RMND5B: variants seen among roughly 807,000 people sequenced by gnomAD.
The protein encoded by RMND5B is E3 ubiquitin-protein transferase RMND5B.
RMND5B carries 42 observed loss-of-function variants against 50.4 expected under a neutral mutation model. The ratio of observed to expected loss-of-function variants is 0.83; its 90% CI spans 0.65 to 1.08. The LOEUF is 1.08. RMND5B is among the 50% of genes least tolerant of loss of function. The pLI is 0.00. For synonymous variants in RMND5B, 220 were observed against 210.0 expected (o/e 1.05, Z -0.41); for missense variants, 463 against 508.5 (o/e 0.91, Z 0.86).
rs1263434859 is a variant in RMND5B at position 178,150,289 on chromosome 5, C to T, written c.*2257C>T. The T allele has an allele frequency of 9.0e-6, 2 of 221,794 alleles. No homozygotes were observed. The highest frequency in any genetic ancestry group is 1.2e-4 in the South Asian group (2 of 16,300). 13.7% of individuals were successfully genotyped at this position (221,794 alleles called of 1,614,324 possible). On this transcript the variant is annotated 3_prime_UTR_variant, in exon 11 of 11. Transcript: ENST00000313386. ...CAGATAACTGACTATTTGGTTCTTA[C>T]CATCAGGCCAAACGGTAAGTTCCTT...
chr5:178,148,222 C>T lies in RMND5B; in HGVS notation c.*190C>T. The T allele has an allele frequency of 1.6e-6, 1 of 615,858 alleles. No individual in the cohort carries two copies. The highest frequency in any genetic ancestry group is 1.9e-5 in the South Asian group (1 of 52,344). 38.1% of individuals were successfully genotyped at this position (615,858 alleles called of 1,614,324 possible). A position where few individuals can be genotyped will look rare whatever the true frequency, so the allele number is the denominator to read the frequency against. ...GGGAGATGGACCAGCCCACGCCTGG[C>T]ACCTGGCTCCATGGCATAAGGAAAG... On this transcript the variant is annotated 3_prime_UTR_variant, in exon 11 of 11. Coordinates refer to ENST00000313386, the MANE Select transcript of RMND5B (RefSeq NM_022762.5).
intron 8 of RMND5B, chr5:178,146,621 C>G: frequency 4.1e-6 from 1 of 246,004 alleles, no homozygotes; most frequent in Non-Finnish European, 8.0e-6. Flanking sequence ...TCCTCATGAC[C>G]TAATGTCTTA....
chr5:178,142,434 G>C, intron 3 of RMND5B, 149 bp from the exon 4 acceptor site: 1 of 888,602 alleles, frequency 1.1e-6, no homozygotes, highest in Non-Finnish European at 1.8e-6. Flanking sequence ...AAAGTGGCAG[G>C]ACCTGGAAGA....
Position 178,150,406 on chromosome 5 carries a change from C to G in RMND5B, c.*2374C>G. The G allele has an allele frequency of 3.8e-6, 1 of 266,598 alleles. No homozygotes were observed. Among genetic ancestry groups the G allele is most frequent in the Non-Finnish European group, 7.5e-6 (1 of 134,014 alleles). The allele number at this position is 266,598 out of a possible 1,614,324, so 16.5% of individuals were successfully genotyped here. A position where few individuals can be genotyped will look rare whatever the true frequency, so the allele number is the denominator to read the frequency against. On this transcript the variant is annotated 3_prime_UTR_variant, in exon 11 of 11. Coordinates refer to ENST00000313386, the MANE Select transcript of RMND5B (RefSeq NM_022762.5). ...TCTATTTTTTTTTTTTGAGACAGGG[C>G]CTCACTCTGTCATGCAGTCTGGAGT... is the stretch of plus-strand genomic sequence containing the variant.
In RMND5B at chr5:178,138,360, T is replaced by A; in HGVS notation, c.139+102T>A. The A allele has an allele frequency of 6.8e-7, 1 of 1,478,066 alleles. No homozygotes were observed. Among genetic ancestry groups the A allele is most frequent in the Non-Finnish European group, 9.0e-7 (1 of 1,111,102 alleles). 91.6% of individuals were successfully genotyped at this position (1,478,066 alleles called of 1,614,324 possible). A position where few individuals can be genotyped will look rare whatever the true frequency, so the allele number is the denominator to read the frequency against. On this transcript the variant is annotated intron_variant, in intron 3 of 10. Coordinates refer to ENST00000313386, the MANE Select transcript of RMND5B (RefSeq NM_022762.5). This position sits in a 1 kb window ranked among gnomAD's most constrained non-coding sequence, Gnocchi z 5.1. ...GGTTCCGGAAGGACGATGATGAGGA[T>A]GTTGGTACCTGCATCTGTAGGCCTC...
rs150309056 is a variant in RMND5B at position 178,144,066 on chromosome 5, T to C, written c.652T>C (p.Tyr218His). 1 of 1,614,212 alleles carries C rather than the reference T, an allele frequency of 6.2e-7. No individual in the cohort carries two copies. The highest frequency in any genetic ancestry group is 1.3e-5 in the African/African-American group (1 of 75,074). Residue 218 changes from tyrosine (Y) to histidine (H), a missense_variant, in exon 7 of 11, where the codon TAT (tyrosine) becomes CAT (histidine). Transcript: ENST00000313386. ...GPAKQLEALS[Y>H]ARHFQPFARL... Reference sequence around the variant, plus strand: ...CGCGAAGCAGCTGGAGGCCCTCAGCTATGCTCGGCACTTCCAGCCCTTTGC... The same window carrying C: ...CGCGAAGCAGCTGGAGGCCCTCAGCCATGCTCGGCACTTCCAGCCCTTTGC...
chr5:178,138,126 C>T lies in RMND5B; in HGVS notation c.7C>T (p.Gln3Ter). 1 of 1,597,198 alleles carries T rather than the reference C, an allele frequency of 6.3e-7. No individual in the cohort carries two copies. The highest frequency in any genetic ancestry group is 8.5e-7 in the Non-Finnish European group (1 of 1,172,220). Residue 3 changes from glutamine to a stop codon, truncating the protein, a stop_gained, in exon 3 of 11, where the codon CAG becomes TAG. Coordinates refer to ENST00000313386, the MANE Select transcript of RMND5B (RefSeq NM_022762.5). LOFTEE classifies it high-confidence loss of function. The surrounding 1 kb of genome is among the most constrained non-coding windows in gnomAD (Gnocchi z 5.1). The part of the protein sequence containing the change: ME[Q>*]CACVERELDK... ...TCCCCAGGCTGAGGCCACCATGGAG[C>T]AGTGTGCGTGCGTGGAGAGAGAGCT...
Position 178,147,513 on chromosome 5 carries a change from C to A in RMND5B, c.861-20C>A. The A allele has an allele frequency of 1.2e-6, 2 of 1,608,120 alleles. No individual in the cohort carries two copies. Among genetic ancestry groups the A allele is most frequent in the Non-Finnish European group, 1.7e-6 (2 of 1,175,714 alleles). On this transcript the variant is annotated intron_variant, in intron 8 of 10. Coordinates refer to ENST00000313386, the MANE Select transcript of RMND5B (RefSeq NM_022762.5). ...TCTGCTGTGATCTGAGCCACTCTAG[C>A]CCCTGTTCCTTGTCTGCAGCTTTGC... is the stretch of plus-strand genomic sequence containing the variant.
chr5:178,147,578 G>A lies in RMND5B; in HGVS notation c.906G>A (p.Lys302=). 3 of 1,614,194 alleles carry A rather than the reference G, an allele frequency of 1.9e-6. No individual in the cohort carries two copies. The highest frequency in any genetic ancestry group is 2.5e-6 in the Non-Finnish European group (3 of 1,180,028). ...CVALPVLMNI[K]AVIEQRQCTG... Reference sequence around the variant, plus strand: ...CGCTGCCTGTGTTGATGAACATCAAGGCTGTGATTGAGCAGCGGCAGTGCA... The same window carrying A: ...CGCTGCCTGTGTTGATGAACATCAAAGCTGTGATTGAGCAGCGGCAGTGCA... The change falls in exon 9 of 11, where the codon AAG becomes AAA. Residue 302 remains lysine (K), a synonymous_variant. Transcript: ENST00000313386.
Position 178,142,642 on chromosome 5 carries a change from A to C in RMND5B, c.199A>C (p.Lys67Gln). Residue 67 changes from lysine (K) to glutamine (Q), a missense_variant, in exon 4 of 11, where the codon AAG (lysine) becomes CAG (glutamine). Physicochemically the swap from Lys to Gln is moderately conservative, Grantham distance 53. Transcript: ENST00000313386. ...LSLVMSQCCR[K>Q]IKDTVQKLAS... is the part of the protein sequence containing the mutation. ...TCTGGTGATGTCACAGTGCTGCCGG[A>C]AGATCAAAGATACGGTGCAGAAACT... is the stretch of plus-strand genomic sequence containing the variant. 1.2e-6 allele frequency: 2 copies of C among 1,614,208 alleles called. No homozygotes were observed. Among genetic ancestry groups the C allele is most frequent in the South Asian group, 1.1e-5 (1 of 91,086 alleles).
At chr5:178,134,639 G>A (rs1041057781) in intron 2 of RMND5B, among the ~76,000 whole-genome samples, 24 of 152,164 alleles carry the variant, frequency 1.6e-4, no homozygotes, top group African/African-American at 5.5e-4. Flanking sequence ...GAATACCCAC[G>A]AACAGTTCTG....
rs1010844430 is a variant in RMND5B at position 178,150,323 on chromosome 5, G to A, written c.*2291G>A. 89 of 230,860 alleles carry A rather than the reference G, an allele frequency of 3.9e-4. No individual in the cohort carries two copies. The highest frequency in any genetic ancestry group is 2.0e-3 in the African/African-American group (88 of 43,542). 14.3% of individuals were successfully genotyped at this position (230,860 alleles called of 1,614,324 possible). A position where few individuals can be genotyped will look rare whatever the true frequency, so the allele number is the denominator to read the frequency against. ...CAAACGGTAAGTTCCTTCAGAACAG[G>A]GCCTCCTGCTTTATCCCAAGAAGTG... On this transcript the variant is annotated 3_prime_UTR_variant, in exon 11 of 11. Transcript: ENST00000313386.
chr5:178,148,014 G>C lies in RMND5B; in HGVS notation c.1164G>C (p.Gly388=). 6.2e-7 allele frequency: 1 copy of C among 1,614,090 alleles called. No individual in the cohort carries two copies. The highest frequency in any genetic ancestry group is 8.5e-7 in the Non-Finnish European group (1 of 1,180,020). The change falls in exon 11 of 11, where the codon GGG becomes GGC. Residue 388 remains glycine, a synonymous_variant. Coordinates refer to ENST00000313386, the MANE Select transcript of RMND5B (RefSeq NM_022762.5). ...CCATGGAGCAGAACCCGGCAGATGG[G>C]AAACGCATCATATTCTGATTCCTAC... ...YCPMEQNPAD[G]KRIIF
chr5:178,150,220 C>G lies in RMND5B; in HGVS notation c.*2188C>G, dbSNP rs1756232261. On this transcript the variant is annotated 3_prime_UTR_variant, in exon 11 of 11. Coordinates refer to ENST00000313386, the MANE Select transcript of RMND5B (RefSeq NM_022762.5). ...AACATGGGTGAAGCATCTTAGCTTA[C>G]AAAGCTCTTTCACATACATCTATCT... 4.5e-6 allele frequency: 1 copy of G among 220,524 alleles called. No homozygotes were observed. Among genetic ancestry groups the G allele is most frequent in the Non-Finnish European group, 9.2e-6 (1 of 108,482 alleles). The allele number at this position is 220,524 out of a possible 1,614,324, so 13.7% of individuals were successfully genotyped here.
rs145470822 is a variant in RMND5B at position 178,138,224 on chromosome 5, C to T, written c.105C>T (p.Tyr35=). 93 of 1,613,732 alleles carry T rather than the reference C, an allele frequency of 5.8e-5. No homozygotes were observed. Among genetic ancestry groups the T allele is most frequent in the African/African-American group, 9.3e-5 (7 of 74,918 alleles). ...GGAGCCTGGAGGAGCTGCTGCACTA[C>T]GTGGGCCAGCTGCGGGCTGAGCTGG... is the stretch of plus-strand genomic sequence containing the variant. ...CERSLEELLH[Y]VGQLRAELAS... The change falls in exon 3 of 11, where the codon TAC becomes TAT. Residue 35 remains tyrosine, a synonymous_variant. Transcript: ENST00000313386. The surrounding 1 kb of genome is among the most constrained non-coding windows in gnomAD (Gnocchi z 5.1).
chr5:178,136,368 AC>A (rs1323562082), intron 2 of RMND5B: 37 of 151,674 alleles, frequency 2.4e-4, no homozygotes, highest in African/African-American at 9.0e-4. Context: ...CAGATAGGAG[AC>A]CCTGTTATAT....
At chr5:178,144,198 A>G in intron 7 of RMND5B, 90 bp downstream of exon 7, 1 of 1,407,594 alleles carries the variant, frequency 7.1e-7, no homozygotes, top group East Asian at 2.3e-5. Context: ...CCCTGCACCC[A>G]TGTGGGGCTG....
chr5:178,139,800 CA>C (rs1360949668), intron 3 of RMND5B, among the ~76,000 whole-genome samples: 3 of 150,054 alleles, frequency 2.0e-5, no homozygotes, highest in Non-Finnish European at 4.4e-5. Context: ...TCAGGTGATC[CA>C]CCTGCCTCAG....
In RMND5B at chr5:178,149,354, G is replaced by C. The variant is rs944072567; in HGVS notation, c.*1322G>C. On this transcript the variant is annotated 3_prime_UTR_variant, in exon 11 of 11. Coordinates refer to ENST00000313386, the MANE Select transcript of RMND5B (RefSeq NM_022762.5). Reference sequence around the variant, plus strand: ...GCTGAGCATCAGCACAGAACCCTCTGAGTCCTTTGGGCTCTCTGCTGAGGA... The same window carrying C: ...GCTGAGCATCAGCACAGAACCCTCTCAGTCCTTTGGGCTCTCTGCTGAGGA... The C allele has an allele frequency of 2.0e-5, 6 of 297,498 alleles. No individual in the cohort carries two copies. The highest frequency in any genetic ancestry group is 3.0e-5 in the South Asian group (1 of 33,766). 18.4% of individuals were successfully genotyped at this position (297,498 alleles called of 1,614,324 possible).
Sources: gnomAD v4.1 joint callset for allele counts (sites outside exome capture counted in the v4.1 genomes callset) on GRCh38, gnomAD v4.1.1 for gene constraint, Gnocchi (gnomAD v3.1) non-coding constraint, MANE v1.5 for transcripts, NCBI Gene and HGNC (gene_info 2026-07-23, HGNC 2026-07-21) for gene names.